HERC1: variants seen among roughly 807,000 people sequenced by gnomAD.
The protein encoded by HERC1 is probable E3 ubiquitin-protein ligase HERC1.
In HERC1, 160 loss-of-function variants were observed where a neutral mutation model predicts 554.3. The observed-to-expected ratio is 0.29, with a 90% CI of 0.25 to 0.33. The LOEUF (loss-of-function observed/expected upper bound fraction) is 0.33, where lower values mean the gene tolerates loss of function less well. Among genes scored for constraint, HERC1 ranks in the 10% least tolerant of loss-of-function variants. The pLI, the probability that HERC1 is intolerant of heterozygous loss-of-function variation, is 1.00. For synonymous variants in HERC1, 2,175 were observed against 2,131.7 expected, an observed-to-expected ratio of 1.02 and a Z score of -0.56; for missense variants, 4,919 against 5,918.5, an observed-to-expected ratio of 0.83 and a Z score of 5.54.
At chr15:63,723,388 A>G in intron 18 of HERC1, 33 bp from the exon 19 acceptor site, 1 of 1,432,388 alleles carries the variant, frequency 7.0e-7, no homozygotes, top group South Asian at 1.4e-5. Context: ...CAATTTTAAC[A>G]TCATAAATTT....
At chr15:63,706,296 A>AC (rs1448657839) in intron 25 of HERC1, among the ~76,000 whole-genome samples, 1 of 152,068 alleles carries the variant, frequency 6.6e-6, no homozygotes, top group Non-Finnish European at 1.5e-5. Context: ...AGCATCTCTT[A>AC]CATGCTTTAT....
At chr15:63,613,663 T>G (rs1400044480) in intron 76 of HERC1, among the ~76,000 whole-genome samples, 1 of 151,344 alleles carries the variant, frequency 6.6e-6, no homozygotes, top group Non-Finnish European at 1.5e-5. Flanking sequence ...ATAATAAAAT[T>G]TATTATATAT....
rs569947165 is a variant in HERC1 at position 63,779,051 on chromosome 15, A to C, written c.-26-3402T>G. ...TCAGCAATGAAGAATGAATTATAAA[A>C]GTGTTCAAGGAAGAGTAGACTCAAT... On this transcript the variant is annotated intron_variant, in intron 1 of 77. Transcript: ENST00000443617. Among the ~76,000 whole-genome samples, 5 of 152,228 alleles carry C rather than the reference A, an allele frequency of 3.3e-5. No homozygotes were observed. In the South Asian group the frequency reaches 6.2e-4, roughly 19 times the overall value.
At chr15:63,816,377 T>C (rs1007741556) in intron 1 of HERC1, among the ~76,000 whole-genome samples, 3 of 152,188 alleles carry the variant, frequency 2.0e-5, no homozygotes, top group Non-Finnish European at 4.4e-5. Flanking sequence ...TTAATAAAAA[T>C]ATGCTGTCTT....
intron 55 of HERC1, among the ~76,000 whole-genome samples, chr15:63,647,184 T>C (rs573210617): frequency 1.3e-5 from 2 of 151,756 alleles, no homozygotes; most frequent in South Asian, 4.2e-4. Flanking sequence ...AACCTGGGGG[T>C]TGGAAATTGC....
At chr15:63,661,294 C>T (rs1339958961) in intron 45 of HERC1, among the ~76,000 whole-genome samples, 1 of 152,126 alleles carries the variant, frequency 6.6e-6, no homozygotes, top group African/African-American at 2.4e-5. Flanking sequence ...TCCATAAAGC[C>T]TTAAAGATTT....
rs373343492 is a variant in HERC1 at position 63,698,959 on chromosome 15, A to G, written c.4674T>C (p.Ser1558=). 3.1e-6 allele frequency: 5 copies of G among 1,613,568 alleles called. No homozygotes were observed. The highest frequency in any genetic ancestry group is 1.1e-5 in the South Asian group (1 of 91,086). ...MHSQLESLSD[S]WARLKHSRDW... is the part of the protein sequence containing the mutation. ...CTCTGCTATGTTTCAGGCGAGCCCAAGAGTCACTCAGGGATTCCAATTGAC... is the reference window on the plus strand; with the variant it reads ...CTCTGCTATGTTTCAGGCGAGCCCAGGAGTCACTCAGGGATTCCAATTGAC... The change falls in exon 26 of 78, where the codon TCT becomes TCC. Residue 1558 remains serine, a synonymous_variant. Coordinates refer to ENST00000443617, the MANE Select transcript of HERC1 (RefSeq NM_003922.4).
At chr15:63,762,216 C>G (rs913813024) in intron 3 of HERC1, among the ~76,000 whole-genome samples, 6 of 152,170 alleles carry the variant, frequency 3.9e-5, no homozygotes, top group African/African-American at 1.4e-4. Context: ...AGGAACCACC[C>G]TGAAGAGACT....
At position 63,648,131 on chromosome 15, in the gene HERC1, G is replaced by A; in HGVS notation, c.10816C>T (p.Leu3606=). 6.3e-7 allele frequency: 1 copy of A among 1,586,910 alleles called. No homozygotes were observed. The highest frequency in any genetic ancestry group is 8.6e-7 in the Non-Finnish European group (1 of 1,164,808). The part of the protein sequence containing the change: ...PFAVGYFDGK[L]LLGTKEPLEK... ...AGTGGTTCCTTTGTTCCCAGTAACA[G>A]TTTTCCATCAAAATATCCCACTGCA... is the stretch of plus-strand genomic sequence containing the variant. The change falls in exon 55 of 78, where the codon CTG becomes TTG. Residue 3606 remains leucine, a synonymous_variant. Transcript: ENST00000443617.
At chr15:63,744,015 G>T (rs12913540) in intron 12 of HERC1, among the ~76,000 whole-genome samples, 69,715 of 151,776 alleles carry the variant, frequency 0.46, 17,110 homozygotes, top group Non-Finnish European at 0.55. Flanking sequence ...CCTCATAGAG[G>T]TACCACCTTG....
chr15:63,653,673 C>G (rs984273934), intron 51 of HERC1, among the ~76,000 whole-genome samples: 6 of 152,158 alleles, frequency 3.9e-5, no homozygotes, highest in African/African-American at 1.4e-4. Context: ...TAAATCATCT[C>G]ATGATTACTT....
chr15:63,774,634 A>C (rs2076065481), intron 2 of HERC1, 60 bp downstream of exon 2: 9 of 1,249,442 alleles, frequency 7.2e-6, no homozygotes, highest in Non-Finnish European at 7.8e-6. Flanking sequence ...TTCATTAAAA[A>C]CTGCATTGAC....
At chr15:63,690,233 A>C (rs972592906) in intron 32 of HERC1, among the ~76,000 whole-genome samples, 4 of 151,292 alleles carry the variant, frequency 2.6e-5, no homozygotes, top group Non-Finnish European at 4.4e-5. Flanking sequence ...CTTACTATTT[A>C]GACCTCTGAT....
intron 1 of HERC1, among the ~76,000 whole-genome samples, chr15:63,821,082 T>G (rs1767623616): frequency 6.6e-6 from 1 of 152,218 alleles, no homozygotes; most frequent in African/African-American, 2.4e-5. Context: ...TGCAAAGAAT[T>G]CACAGCATTG....
chr15:63,656,043 C>T (rs2070015582), intron 49 of HERC1, 45 bp downstream of exon 49: 1 of 1,601,578 alleles, frequency 6.2e-7, no homozygotes, highest in African/African-American at 1.3e-5. Flanking sequence ...AAGAATCAGT[C>T]AGAAATAATC....
chr15:63,723,951 T>A (rs1245558779), intron 18 of HERC1, among the ~76,000 whole-genome samples: 1 of 152,190 alleles, frequency 6.6e-6, no homozygotes, highest in Non-Finnish European at 1.5e-5. Context: ...ATGTTCTAAG[T>A]GATGATGAGG....
intron 18 of HERC1, among the ~76,000 whole-genome samples, chr15:63,723,973 G>C (rs2073931573): frequency 6.6e-6 from 1 of 152,078 alleles, no homozygotes; most frequent in African/African-American, 2.4e-5. Flanking sequence ...TCTTGGGCTA[G>C]TATCAAAAAT....
intron 18 of HERC1, among the ~76,000 whole-genome samples, chr15:63,724,283 T>C (rs574413179): frequency 6.6e-6 from 1 of 152,370 alleles, no homozygotes; most frequent in South Asian, 2.1e-4. Context: ...ATCTTTATCA[T>C]GTTAAAGACC....
At chr15:63,720,103 C>CCTTTTTTTTTTTTTTTTTTTTTT (rs2073747290) in intron 19 of HERC1, among the ~76,000 whole-genome samples, 2 of 71,608 alleles carry the variant, frequency 2.8e-5, no homozygotes, top group African/African-American at 6.0e-5. Context: ...TTTTTCTTCC[C>CCTTTTTTTTTTTTTTTTTTTTTT]TTTTTTTTTT....
Sources: gnomAD v4.1 joint callset for allele counts (sites outside exome capture counted in the v4.1 genomes callset) on GRCh38, gnomAD v4.1.1 for gene constraint, MANE v1.5 for transcripts, NCBI Gene and HGNC (gene_info 2026-07-23, HGNC 2026-07-21) for gene names.